The following MAML2 variants were observed in gnomAD, a reference collection of about 807,000 sequenced individuals.
MAML2 encodes the protein mastermind like transcriptional coactivator 2, also known as mastermind-like protein 2.
A neutral mutation model predicts 96.1 loss-of-function variants in MAML2; 22 were observed. That is an observed-to-expected ratio of 0.23 (90% CI 0.16 to 0.33). The LOEUF (loss-of-function observed/expected upper bound fraction) is 0.33. Among genes scored for constraint, MAML2 ranks in the 10% least tolerant of loss-of-function variants. The pLI is 1.00. For missense variants in MAML2, 1,367 were observed against 1,392.4 expected (o/e 0.98, Z 0.29); for synonymous variants, 561 against 521.3 (o/e 1.08, Z -1.04).
intron 1 of MAML2, among the ~76,000 whole-genome samples, chr11:96,231,389 G>A (rs893038740): frequency 1.8e-4 from 28 of 152,128 alleles, no homozygotes; most frequent in African/African-American, 6.5e-4. Context: ...TCATAAATGT[G>A]GGATAAAATA....
At chr11:96,207,268 C>T (rs998948560) in intron 1 of MAML2, among the ~76,000 whole-genome samples, 1 of 152,160 alleles carries the variant, frequency 6.6e-6, no homozygotes, top group Non-Finnish European at 1.5e-5. Flanking sequence ...TATTCACTGG[C>T]CCATCTTTTA....
At chr11:96,065,004 C>G (rs1306540540) in intron 2 of MAML2, among the ~76,000 whole-genome samples, 1 of 152,198 alleles carries the variant, frequency 6.6e-6, no homozygotes, top group East Asian at 1.9e-4. Flanking sequence ...AAGAAGCCAA[C>G]ATCTCAACAA....
At chr11:96,233,925 G>A (rs1217249110) in intron 1 of MAML2, among the ~76,000 whole-genome samples, 1 of 152,110 alleles carries the variant, frequency 6.6e-6, no homozygotes, top group East Asian at 1.9e-4. Flanking sequence ...AGAAGTGGTG[G>A]CCAGGTGGGC....
In MAML2 at chr11:96,341,880, G is replaced by C; in HGVS notation, c.16C>G (p.Pro6Ala). 1.3e-6 allele frequency: 2 copies of C among 1,533,120 alleles called. No individual in the cohort carries two copies. Among genetic ancestry groups the C allele is most frequent in the Non-Finnish European group, 1.7e-6 (2 of 1,143,350 alleles). 95.0% of individuals were successfully genotyped at this position (1,533,120 alleles called of 1,614,324 possible). ...AGCCCTCCTGCGGGGGCCTGCGGGG[G>C]CGCTGTGTCCCCCATCTTACCGGAC... Reference protein sequence around the residue: MGDTAPPQAPAGGLGG... With the variant: MGDTAAPQAPAGGLGG... The change falls in exon 1 of 5, where the codon CCC (proline) becomes GCC (alanine). Residue 6 changes from proline (P) to alanine (A), a missense_variant. Transcript: ENST00000524717.
chr11:96,074,904 G>A (rs930134784), intron 2 of MAML2, among the ~76,000 whole-genome samples: 2 of 152,178 alleles, frequency 1.3e-5, no homozygotes, highest in Non-Finnish European at 2.9e-5. Flanking sequence ...TGGGAGTACT[G>A]GAGGGCAGGG....
At chr11:96,278,291 T>C (rs1863018027) in intron 1 of MAML2, among the ~76,000 whole-genome samples, 1 of 152,166 alleles carries the variant, frequency 6.6e-6, no homozygotes, top group African/African-American at 2.4e-5. Context: ...GGTAGTAACT[T>C]CCCATGTGGA....
rs1858552459 is a variant in MAML2 at position 96,028,059 on chromosome 11, A to C, written c.2140-36336T>G. 2.0e-5 allele frequency among the ~76,000 whole-genome samples: 3 copies of C among 152,122 alleles called. No homozygotes were observed. In the South Asian group the frequency reaches 6.2e-4, roughly 32 times the overall value. ...TTTTTCTTTGTGTGAAGGGACTCAT[A>C]AGTAAACAAGGTCCCAATAATGTCT... On this transcript the variant is annotated intron_variant, in intron 2 of 4. Coordinates refer to ENST00000524717, the MANE Select transcript of MAML2 (RefSeq NM_032427.4).
Position 95,991,471 on chromosome 11 carries a change from T to C in MAML2, c.2343+49A>G, listed in dbSNP as rs748173232. The C allele has an allele frequency of 2.6e-6, 4 of 1,546,852 alleles. No individual in the cohort carries two copies. In the South Asian group the frequency reaches 4.5e-5, roughly 17 times the overall value. On this transcript the variant is annotated intron_variant, in intron 3 of 4. Coordinates refer to ENST00000524717, the MANE Select transcript of MAML2 (RefSeq NM_032427.4). ...TATAAATGGAAAAGAATAAACTCCC[T>C]CTGTTGGGTCAACAGGTTTGTTCAG...
intron 1 of MAML2, among the ~76,000 whole-genome samples, chr11:96,181,658 G>T (rs1401832237): frequency 1.3e-5 from 2 of 152,080 alleles, no homozygotes; most frequent in Non-Finnish European, 2.9e-5. Context: ...TAGAAGAATG[G>T]TCATTAATAG....
intron 2 of MAML2, among the ~76,000 whole-genome samples, chr11:95,992,719 G>A (rs531671701): frequency 2.9e-4 from 44 of 152,300 alleles, no homozygotes; most frequent in Non-Finnish European, 5.3e-4. Flanking sequence ...ACTTTGATCA[G>A]AATGATCTGG....
chr11:96,073,498 A>G (rs984818338), intron 2 of MAML2, among the ~76,000 whole-genome samples: 3 of 151,610 alleles, frequency 2.0e-5, no homozygotes, highest in Admixed American at 2.0e-4. Context: ...TTTTTTGTAT[A>G]TTTAGTAGAG....
chr11:95,985,199 A>G (rs566830990), intron 4 of MAML2, among the ~76,000 whole-genome samples: 2 of 152,320 alleles, frequency 1.3e-5, no homozygotes, highest in South Asian at 2.1e-4. Flanking sequence ...CCTGTCTAAG[A>G]GGGAGAAATG....
At chr11:96,296,164 T>A (rs1285578607) in intron 1 of MAML2, among the ~76,000 whole-genome samples, 1 of 152,124 alleles carries the variant, frequency 6.6e-6, no homozygotes, top group African/African-American at 2.4e-5. Context: ...AGCCTCCAAG[T>A]AGCAGGGACT....
chr11:96,071,927 C>T (rs1167497150), intron 2 of MAML2, among the ~76,000 whole-genome samples: 1 of 152,182 alleles, frequency 6.6e-6, no homozygotes, highest in Non-Finnish European at 1.5e-5. Flanking sequence ...TCTCTAATTG[C>T]ACTGCTGGAT....
At chr11:96,318,573 G>A (rs779004296) in intron 1 of MAML2, among the ~76,000 whole-genome samples, 5 of 152,292 alleles carry the variant, frequency 3.3e-5, no homozygotes, top group Non-Finnish European at 5.9e-5. Context: ...TGCTAAGTCT[G>A]GTCAAGGCAT....
intron 1 of MAML2, among the ~76,000 whole-genome samples, chr11:96,272,383 C>T (rs1862929189): frequency 6.6e-6 from 1 of 152,150 alleles, no homozygotes; most frequent in African/African-American, 2.4e-5. Context: ...AGGTTAAGGG[C>T]TTCTGTGATC....
At chr11:96,133,830 C>CA (rs1374624593) in intron 1 of MAML2, among the ~76,000 whole-genome samples, 2 of 151,940 alleles carry the variant, frequency 1.3e-5, no homozygotes, top group Admixed American at 6.6e-5. Context: ...CCTGTCTCTA[C>CA]AAAAAATACA....
intron 1 of MAML2, among the ~76,000 whole-genome samples, chr11:96,154,416 T>TATCC (rs1190509466): frequency 6.6e-6 from 1 of 152,236 alleles, no homozygotes; most frequent in African/African-American, 2.4e-5. Context: ...TCTCAGACAT[T>TATCC]ATCCAGGTTC....
chr11:95,981,877 G>A (rs1172761880), intron 4 of MAML2, among the ~76,000 whole-genome samples: 4 of 152,136 alleles, frequency 2.6e-5, no homozygotes, highest in Non-Finnish European at 4.4e-5. Context: ...TAGTCGCCCT[G>A]TATTTTAATG....
Sources: allele counts gnomAD v4.1 joint callset (sites outside exome capture counted in the v4.1 genomes callset), GRCh38; gene constraint gnomAD v4.1.1; transcripts MANE v1.5; gene names NCBI Gene and HGNC (gene_info 2026-07-23, HGNC 2026-07-21).